Variants in LY96 observed in about 807,000 individuals in gnomAD.
The protein encoded by LY96 is lymphocyte antigen 96.
Under a neutral mutation model 18.9 loss-of-function variants are expected in LY96, and 18 were observed. The ratio of observed to expected loss-of-function variants is 0.95; its 90% CI spans 0.66 to 1.41. The LOEUF is 1.41. LY96 is among the 40% of genes most tolerant of loss of function. The probability of loss-of-function intolerance (pLI) is 0.00; values close to 1 mark genes in which losing one functional copy is unlikely to be tolerated. For synonymous variants in LY96, 66 were observed against 62.6 expected, an observed-to-expected ratio of 1.06 and a Z score of -0.26; for missense variants, 175 against 182.4, an observed-to-expected ratio of 0.96 and a Z score of 0.23.
downstream of LY96, among the ~76,000 whole-genome samples, chr8:74,033,507 C>T (rs189517729): frequency 2.8e-4 from 42 of 152,300 alleles, 1 homozygote; most frequent in East Asian, 5.8e-3. Flanking sequence ...TGCTCCCTGA[C>T]GAATGCAAGG....
chr8:74,039,031 C>A, the LY96 span, among the ~76,000 whole-genome samples: 2 of 152,186 alleles, frequency 1.3e-5, no homozygotes, highest in South Asian at 2.1e-4. Context: ...TACATCCTTG[C>A]CAGCATTTGT....
At chr8:74,022,808 TCACCTCGTGATCAGCC>T (rs1816796442) in intron 3 of LY96, among the ~76,000 whole-genome samples, 1 of 152,050 alleles carries the variant, frequency 6.6e-6, no homozygotes, top group South Asian at 2.1e-4. Context: ...CTCAAACTCC[TCACCTCGTGATCAGCC>T]CACCTCGGCC....
chr8:74,026,757 A>G (rs368473265), intron 3 of LY96, 32 bp from the exon 4 acceptor site: 1 of 1,295,852 alleles, frequency 7.7e-7, no homozygotes, highest in Non-Finnish European at 1.1e-6. Context: ...ACCGTGACCA[A>G]TAACGTTTTG....
the LY96 span, among the ~76,000 whole-genome samples, chr8:74,041,234 A>G: frequency 6.6e-6 from 1 of 152,180 alleles, no homozygotes; most frequent in African/African-American, 2.4e-5. Context: ...CCAAATTAAT[A>G]CTTTTATAAT....
the LY96 span, among the ~76,000 whole-genome samples, chr8:74,043,955 C>T: frequency 6.6e-6 from 1 of 152,068 alleles, no homozygotes; most frequent in Non-Finnish European, 1.5e-5. Context: ...CGTCTTAGCC[C>T]TCCAAGTAGT....
At position 74,001,998 on chromosome 8, in the gene LY96, TCTTCCTTTCTTC is replaced by T. The variant is rs1408491551; in HGVS notation, c.113-2790_113-2779del. On this transcript the variant is annotated intron_variant, in intron 1 of 4. Transcript: ENST00000284818. ...TCCTTCCCTCCCTCCCTCCCTCCTTTCTTCCTTTCTTCCTTCCTTCCTTCCTTCCTTCCTTCC... is the reference window on the plus strand; with the variant it reads ...TCCTTCCCTCCCTCCCTCCCTCCTTTCTTCCTTCCTTCCTTCCTTCCTTCC... Among the ~76,000 whole-genome samples the T allele has an allele frequency of 2.0e-4, 10 of 50,590 alleles. 1 individual carries two copies. The highest frequency in any genetic ancestry group is 6.4e-4 in the East Asian group (1 of 1,552). The allele number at this position is 50,590 out of a possible 152,430, so 33.2% of individuals were successfully genotyped here.
At chr8:74,043,405 G>A in the LY96 span, among the ~76,000 whole-genome samples, 1 of 152,170 alleles carries the variant, frequency 6.6e-6, no homozygotes, top group Non-Finnish European at 1.5e-5. Flanking sequence ...CTTTTGAGAG[G>A]TAAGATGCGA....
At chr8:74,018,239 A>T (rs1280096868) in intron 3 of LY96, among the ~76,000 whole-genome samples, 3 of 151,068 alleles carry the variant, frequency 2.0e-5, no homozygotes, top group Admixed American at 6.6e-5. Context: ...AAAAAAAAAT[A>T]AAAAAAATAA....
At chr8:74,047,545 A>G in the LY96 span, among the ~76,000 whole-genome samples, 2 of 152,214 alleles carry the variant, frequency 1.3e-5, no homozygotes, top group African/African-American at 4.8e-5. Context: ...CCTTGTGCAC[A>G]AGATACAAGA....
At chr8:74,022,318 G>A (rs987881941) in intron 3 of LY96, among the ~76,000 whole-genome samples, 7 of 151,928 alleles carry the variant, frequency 4.6e-5, no homozygotes, top group Non-Finnish European at 8.8e-5. Flanking sequence ...CCTGAGGCAG[G>A]AGAATCACTT....
chr8:74,097,833 T>TA, the LY96 span, among the ~76,000 whole-genome samples: 1 of 152,306 alleles, frequency 6.6e-6, no homozygotes, highest in East Asian at 1.9e-4. Context: ...TAGGGGCTTG[T>TA]TATAGTAGAA....
At chr8:74,068,083 A>ATATATAT in the LY96 span, among the ~76,000 whole-genome samples, 6 of 95,820 alleles carry the variant, frequency 6.3e-5, no homozygotes, top group African/African-American at 2.8e-4. Flanking sequence ...AAAAAAAAAA[A>ATATATAT]AAAAAAATAT....
chr8:74,021,675 T>G (rs1398407805), intron 3 of LY96, among the ~76,000 whole-genome samples: 1 of 152,194 alleles, frequency 6.6e-6, no homozygotes, highest in Non-Finnish European at 1.5e-5. Flanking sequence ...CCAACCCAAA[T>G]GTCCATCAAT....
At chr8:74,056,412 A>T in the LY96 span, 1 of 239,406 alleles carries the variant, frequency 4.2e-6, no homozygotes, top group Non-Finnish European at 8.0e-6. Context: ...AGAGACAATC[A>T]ATAAATTGAT....
the LY96 span, among the ~76,000 whole-genome samples, chr8:74,088,143 T>TAGAATAGAATAGAAA: frequency 5.7e-5 from 8 of 139,172 alleles, no homozygotes; most frequent in African/African-American, 1.9e-4. Flanking sequence ...TAGAATAGAA[T>TAGAATAGAATAGAAA]AGAATAGAAA....
chr8:74,010,680 T>TA (rs140391578), intron 3 of LY96, among the ~76,000 whole-genome samples: 84 of 146,972 alleles, frequency 5.7e-4, no homozygotes, highest in African/African-American at 1.4e-3. Context: ...GAATGTATGT[T>TA]AAAAAAAAAA....
At chr8:74,095,895 C>T in the LY96 span, among the ~76,000 whole-genome samples, 3,005 of 152,308 alleles carry the variant, frequency 0.02, 45 homozygotes, top group Admixed American at 0.039. Context: ...CAGAGCCAAC[C>T]ATCTATTCCA....
At chr8:74,028,508 T>G (rs887372955) in intron 4 of LY96, among the ~76,000 whole-genome samples, 13 of 152,158 alleles carry the variant, frequency 8.5e-5, no homozygotes, top group African/African-American at 3.1e-4. Context: ...AATTACAGAC[T>G]TTTTTTGTTC....
At chr8:74,086,814 C>G in the LY96 span, among the ~76,000 whole-genome samples, 1 of 152,194 alleles carries the variant, frequency 6.6e-6, no homozygotes, top group Non-Finnish European at 1.5e-5. Flanking sequence ...TGCTCCTTCC[C>G]CATGTGAGAA....
Sources: gnomAD v4.1 joint callset for allele counts (sites outside exome capture counted in the v4.1 genomes callset) on GRCh38, gnomAD v4.1.1 for gene constraint, MANE v1.5 for transcripts, NCBI Gene and HGNC (gene_info 2026-07-23, HGNC 2026-07-21) for gene names.